The following SGTA variants were observed in gnomAD, a reference collection of about 807,000 sequenced individuals.
SGTA encodes the protein small glutamine rich tetratricopeptide repeat co-chaperone alpha.
SGTA carries 22 observed loss-of-function variants against 44.3 expected under a neutral mutation model. The ratio of observed to expected loss-of-function variants is 0.50; its 90% CI spans 0.36 to 0.71. The LOEUF (loss-of-function observed/expected upper bound fraction) is 0.71, where lower values mean the gene tolerates loss of function less well. Among genes scored for constraint, SGTA ranks in the 30% least tolerant of loss-of-function variants. The pLI is 0.00. For missense variants in SGTA, 341 were observed against 435.9 expected (o/e 0.78, Z 1.94); for synonymous variants, 174 against 177.6 (o/e 0.98, Z 0.16).
intron 2 of SGTA, among the ~76,000 whole-genome samples, chr19:2,768,705 A>T (rs73518609): frequency 0.048 from 7,248 of 152,302 alleles, 325 homozygotes; most frequent in South Asian, 0.14. Flanking sequence ...GGGGAGATGG[A>T]AAAAAGCCAC....
At position 2,782,022 on chromosome 19, in the gene SGTA, A is replaced by G. The variant is rs561414232; in HGVS notation, c.-24+1211T>C. ...ATGCCCAGCTAATTTTCATATTTTC[A>G]GTAGAGACGGGGTTTCACCACGTTG... On this transcript the variant is annotated intron_variant, in intron 1 of 11. Transcript: ENST00000221566. Among the ~76,000 whole-genome samples, 4 of 152,166 alleles carry G rather than the reference A, an allele frequency of 2.6e-5. No homozygotes were observed. In the East Asian group the frequency reaches 7.7e-4, roughly 29 times the overall value.
chr19:2,757,642 G>A, intron 10 of SGTA, 51 bp downstream of exon 10: 1 of 1,476,618 alleles, frequency 6.8e-7, no homozygotes, highest in South Asian at 1.3e-5. Context: ...CCGCCTGCGA[G>A]CCCTGCCCGC....
At chr19:2,768,652 A>T (rs544926522) in intron 2 of SGTA, among the ~76,000 whole-genome samples, 1 of 152,300 alleles carries the variant, frequency 6.6e-6, no homozygotes, top group Admixed American at 6.5e-5. Context: ...ACACACACAC[A>T]CTGGGTGGTG....
At position 2,762,492 on chromosome 19, in the gene SGTA, C is replaced by G; in HGVS notation, c.636+14G>C. On this transcript the variant is annotated intron_variant, in intron 7 of 11. Transcript: ENST00000221566. Reference sequence around the variant, plus strand: ...GCTCGGCGTTCTGGAGCCACTCGCCCCCGCTGCACTCACGGGGCTGGGGGC... The same window carrying G: ...GCTCGGCGTTCTGGAGCCACTCGCCGCCGCTGCACTCACGGGGCTGGGGGC... 6.2e-7 allele frequency: 1 copy of G among 1,613,488 alleles called. No homozygotes were observed. The highest frequency in any genetic ancestry group is 8.5e-7 in the Non-Finnish European group (1 of 1,179,838).
rs939211344 is a variant in SGTA, at chr19:2,757,713, G to A, written c.807C>T (p.Asp269=). ...CTCACGCCTGGATGAGGCTGGCCAG[G>A]TCGTTCTGCGAGGGGCTGGTGCCGG... ...GTPGTSPSQN[D]LASLIQAGQQ... is the part of the protein sequence containing the mutation. The change falls in exon 10 of 12, where the codon GAC becomes GAT. Residue 269 remains aspartate, a synonymous_variant. Coordinates refer to ENST00000221566, the MANE Select transcript of SGTA (RefSeq NM_003021.4). 3.1e-6 allele frequency: 5 copies of A among 1,594,830 alleles called. No homozygotes were observed. The highest frequency in any genetic ancestry group is 2.7e-5 in the African/African-American group (2 of 74,532).
chr19:2,756,471 A>G (rs527396284), intron 11 of SGTA, among the ~76,000 whole-genome samples: 101 of 151,298 alleles, frequency 6.7e-4, no homozygotes, highest in Middle Eastern at 6.8e-3. Context: ...AAAAAAAAAG[A>G]TTAAGATTGT....
chr19:2,765,235 C>G lies in SGTA; in HGVS notation c.343G>C (p.Gly115Arg). 1 of 1,614,094 alleles carries G rather than the reference C, an allele frequency of 6.2e-7. No homozygotes were observed. The change falls in exon 5 of 12, where the codon GGA becomes CGA. Residue 115 changes from glycine (G) to arginine (R), a missense_variant. By Grantham distance (125) the Gly-to-Arg change is moderately radical. Transcript: ENST00000221566. This position sits in a 1 kb window ranked among gnomAD's most constrained non-coding sequence, Gnocchi z 5.5. ...ENFEAAVHFY[G>R]KAIELNPANA... The stretch of plus-strand genomic sequence containing the variant: ...GCTGGGTTGAGCTCGATGGCTTTTC[C>G]GTAGAAATGCACGGCAGCTTCAAAG...
In SGTA at chr19:2,757,432, G is replaced by C; in HGVS notation, c.853C>G (p.Gln285Glu). ...QAGQQFAQQM[Q>E]QQNPELIEQL... ...TCTATCAACTCTGGGTTCTGCTGCTGCATCTGCTGGGCAAACTGCTGGCCC... is the reference window on the plus strand; with the variant it reads ...TCTATCAACTCTGGGTTCTGCTGCTCCATCTGCTGGGCAAACTGCTGGCCC... The change falls in exon 11 of 12, where the codon CAG (glutamine) becomes GAG (glutamate). Residue 285 changes from glutamine (Q) to glutamate (E), a missense_variant. Gln to Glu is a conservative substitution (Grantham distance 29). Coordinates refer to ENST00000221566, the MANE Select transcript of SGTA (RefSeq NM_003021.4). 1 of 1,608,910 alleles carries C rather than the reference G, an allele frequency of 6.2e-7. No individual in the cohort carries two copies. Among genetic ancestry groups the C allele is most frequent in the African/African-American group, 1.3e-5 (1 of 75,042 alleles).
At chr19:2,779,789 C>T (rs922973167) in intron 1 of SGTA, among the ~76,000 whole-genome samples, 2 of 152,210 alleles carry the variant, frequency 1.3e-5, no homozygotes, top group South Asian at 4.1e-4. Context: ...ACACAGCCAC[C>T]TCGGTCGGGG....
At chr19:2,766,316 C>A (rs1170578839) in intron 4 of SGTA, among the ~76,000 whole-genome samples, 4 of 152,204 alleles carry the variant, frequency 2.6e-5, no homozygotes, top group Non-Finnish European at 4.4e-5. Flanking sequence ...GCGCTGGGGC[C>A]TGGGTCAGAG....
chr19:2,768,939 G>A (rs1316206637), intron 2 of SGTA, 30 bp downstream of exon 2: 3 of 1,531,334 alleles, frequency 2.0e-6, no homozygotes, highest in Non-Finnish European at 2.7e-6. Flanking sequence ...GCTGCCCGGG[G>A]AGAGGGGGAA....
At position 2,761,638 on chromosome 19, in the gene SGTA, C is replaced by A. The variant is rs373268764; in HGVS notation, c.637-116G>T. The A allele has an allele frequency of 3.8e-5, 32 of 850,652 alleles. No individual in the cohort carries two copies. The highest frequency in any genetic ancestry group is 3.2e-4 in the African/African-American group (19 of 59,694). The allele number at this position is 850,652 out of a possible 1,614,324, so 52.7% of individuals were successfully genotyped here. On this transcript the variant is annotated intron_variant, in intron 7 of 11. Transcript: ENST00000221566. The surrounding 1 kb of genome is among the most constrained non-coding windows in gnomAD (Gnocchi z 5.7). ...GGGCTCAGACATTCTATCAACCCTG[C>A]GGCCAGAGGGTGCTTTGAGGCAGGC...
Position 2,765,105 on chromosome 19 carries a change from C to A in SGTA, c.392+81G>T. The A allele has an allele frequency of 2.1e-6, 2 of 942,156 alleles. No homozygotes were observed. The highest frequency in any genetic ancestry group is 3.5e-6 in the Non-Finnish European group (2 of 578,486). 58.4% of individuals were successfully genotyped at this position (942,156 alleles called of 1,614,324 possible). A position where few individuals can be genotyped will look rare whatever the true frequency, so the allele number is the denominator to read the frequency against. On this transcript the variant is annotated intron_variant, in intron 5 of 11. Transcript: ENST00000221566. The surrounding 1 kb of genome is among the most constrained non-coding windows in gnomAD (Gnocchi z 5.5). The stretch of plus-strand genomic sequence containing the variant: ...TCATCTACAGCGCAGAGGCCTCTCC[C>A]ATCTCAGGTCCCTGCTAAGCATCCC...
Position 2,767,630 on chromosome 19 carries a change from C to A in SGTA, c.157G>T (p.Ala53Ser). 6.2e-7 allele frequency: 1 copy of A among 1,613,700 alleles called. No homozygotes were observed. The highest frequency in any genetic ancestry group is 2.2e-5 in the East Asian group (1 of 44,882). The stretch of plus-strand genomic sequence containing the variant: ...ATCTCCGGCAGAGTCTGAGGGAGCG[C>A]AAGGTCACTGTCTTCTACCGTCACC... ...FGVTVEDSDL[A>S]LPQTLPEIFE... Residue 53 changes from alanine (A) to serine (S), a missense_variant, in exon 3 of 12, where the codon GCG becomes TCG. Transcript: ENST00000221566. The surrounding 1 kb of genome is among the most constrained non-coding windows in gnomAD (Gnocchi z 7.3).
In SGTA at chr19:2,755,425, C is replaced by T. The variant is rs1914792859; in HGVS notation, c.*515G>A. 2.0e-6 allele frequency: 2 copies of T among 987,596 alleles called. No homozygotes were observed. Among genetic ancestry groups the T allele is most frequent in the African/African-American group, 1.7e-5 (1 of 57,332 alleles). 61.2% of individuals were successfully genotyped at this position (987,596 alleles called of 1,614,324 possible). ...TGCAAACACACATGGCCCGCGGTGC[C>T]CAGGCCGCAGCTGGCAGTGAGCTCT... On this transcript the variant is annotated 3_prime_UTR_variant, in exon 12 of 12. Coordinates refer to ENST00000221566, the MANE Select transcript of SGTA (RefSeq NM_003021.4). The surrounding 1 kb of genome is among the most constrained non-coding windows in gnomAD (Gnocchi z 5.2).
intron 1 of SGTA, among the ~76,000 whole-genome samples, chr19:2,780,121 T>C (rs912867439): frequency 1.3e-4 from 20 of 152,094 alleles, no homozygotes; most frequent in Non-Finnish European, 2.9e-4. Context: ...ACCACCTCTC[T>C]TCCTTATTTC....
chr19:2,771,192 G>A (rs1291816897), intron 1 of SGTA, among the ~76,000 whole-genome samples: 3 of 152,222 alleles, frequency 2.0e-5, no homozygotes, highest in African/African-American at 4.8e-5. Context: ...TTGGGAGGCC[G>A]AGGCAGGCAG....
chr19:2,759,593 G>C, intron 8 of SGTA: 1 of 405,126 alleles, frequency 2.5e-6, no homozygotes. Context: ...AGGCGTTTTG[G>C]TTCTTTATTT....
chr19:2,777,339 C>T (rs1418474794), intron 1 of SGTA, among the ~76,000 whole-genome samples: 2 of 151,370 alleles, frequency 1.3e-5, no homozygotes, highest in African/African-American at 4.9e-5. Flanking sequence ...ATCACTTGAG[C>T]ATAGGAATTC....
Sources: gnomAD v4.1 joint callset for allele counts (sites outside exome capture counted in the v4.1 genomes callset) on GRCh38, gnomAD v4.1.1 for gene constraint, Gnocchi (gnomAD v3.1) non-coding constraint, MANE v1.5 for transcripts, NCBI Gene and HGNC (gene_info 2026-07-23, HGNC 2026-07-21) for gene names.